Variants in DLGAP4 observed in about 807,000 individuals in gnomAD.
DLGAP4 encodes the protein disks large-associated protein 4.
DLGAP4 carries 18 observed loss-of-function variants against 86.9 expected under a neutral mutation model. The ratio of observed to expected loss-of-function variants is 0.21; its 90% CI spans 0.14 to 0.31. The LOEUF (loss-of-function observed/expected upper bound fraction) is 0.31, where lower values mean the gene tolerates loss of function less well. Ranked by LOEUF, DLGAP4 falls within the 10% of genes least tolerant of loss-of-function variation. The pLI is 1.00. For synonymous variants in DLGAP4, 548 were observed against 574.3 expected (o/e 0.95, Z 0.65); for missense variants, 1,085 against 1,362.6 (o/e 0.80, Z 3.21).
At chr20:36,380,583 G>A (rs1416510385) in intron 2 of DLGAP4, among the ~76,000 whole-genome samples, 2 of 143,368 alleles carry the variant, frequency 1.4e-5, no homozygotes, top group South Asian at 2.2e-4. Context: ...GCAAGACCCT[G>A]TCTGCATTAA....
In DLGAP4 at chr20:36,525,708, TAC is replaced by T. The variant is rs1408440087; in HGVS notation, c.2605-141_2605-140del. 2.7e-6 allele frequency: 3 copies of T among 1,106,682 alleles called. No individual in the cohort carries two copies. The African/African-American group carries it at 4.7e-5, about 17-fold the overall frequency. 68.6% of individuals were successfully genotyped at this position (1,106,682 alleles called of 1,614,324 possible). On this transcript the variant is annotated intron_variant, in intron 11 of 12. Coordinates refer to ENST00000339266, the MANE Select transcript of DLGAP4 (RefSeq NM_001365621.2). Reference sequence around the variant, plus strand: ...ACCAGAACTGGCTTAGATTCATTCATACAGATACTTACCCAGACACTAGGCCT... The same window carrying T: ...ACCAGAACTGGCTTAGATTCATTCATAGATACTTACCCAGACACTAGGCCT...
chr20:36,444,937 G>A lies in DLGAP4; in HGVS notation c.1408-1760G>A, dbSNP rs548719293. 5.9e-5 allele frequency among the ~76,000 whole-genome samples: 9 copies of A among 152,042 alleles called. No homozygotes were observed. The South Asian group carries it at 1.5e-3, about 25-fold the overall frequency. ...TTACAGGCATGAGCCACCACGCCTGGACTAATCAATTATTATTATTATTTT... is the reference window on the plus strand; with the variant it reads ...TTACAGGCATGAGCCACCACGCCTGAACTAATCAATTATTATTATTATTTT... On this transcript the variant is annotated intron_variant, in intron 6 of 12. Coordinates refer to ENST00000339266, the MANE Select transcript of DLGAP4 (RefSeq NM_001365621.2).
Position 36,427,139 on chromosome 20 carries a change from C to T in DLGAP4, c.-72-4507C>T, listed in dbSNP as rs2032996076. On this transcript the variant is annotated intron_variant, in intron 2 of 12. Transcript: ENST00000339266. ...TCAAAGCTGCGGTGAGCTATGATCACACCACTGCACTCCAGCCTCGGCAAC... is the reference window on the plus strand; with the variant it reads ...TCAAAGCTGCGGTGAGCTATGATCATACCACTGCACTCCAGCCTCGGCAAC... Among the ~76,000 whole-genome samples the T allele has an allele frequency of 2.0e-5, 3 of 151,984 alleles. No individual in the cohort carries two copies. The South Asian group carries it at 6.2e-4, about 32-fold the overall frequency.
chr20:36,383,264 G>C (rs1377515725), intron 2 of DLGAP4, among the ~76,000 whole-genome samples: 1 of 152,216 alleles, frequency 6.6e-6, no homozygotes, highest in African/African-American at 2.4e-5. Flanking sequence ...TATCAGAGAG[G>C]TGATCAGGGC....
intron 1 of DLGAP4, among the ~76,000 whole-genome samples, chr20:36,315,458 C>T (rs975495570): frequency 6.6e-6 from 1 of 151,776 alleles, no homozygotes; most frequent in East Asian, 1.9e-4. Context: ...CATGGGACCA[C>T]GTGGACTGGT....
intron 10 of DLGAP4, among the ~76,000 whole-genome samples, chr20:36,503,363 G>C (rs1242125908): frequency 6.6e-6 from 1 of 151,360 alleles, no homozygotes; most frequent in African/African-American, 2.4e-5. Flanking sequence ...GCCCCAAAAA[G>C]ATGCTCTCTG....
At chr20:36,347,807 C>G (rs888929294) in intron 1 of DLGAP4, among the ~76,000 whole-genome samples, 1 of 149,846 alleles carries the variant, frequency 6.7e-6, no homozygotes, top group African/African-American at 2.5e-5. Flanking sequence ...GATGACAGAA[C>G]AAGACACTTA....
chr20:36,458,243 G>A (rs1046626436), intron 7 of DLGAP4, among the ~76,000 whole-genome samples: 17 of 150,988 alleles, frequency 1.1e-4, no homozygotes, highest in African/African-American at 4.1e-4. Flanking sequence ...GGGTGCGGTG[G>A]CTCACGCCTG....
intron 2 of DLGAP4, among the ~76,000 whole-genome samples, chr20:36,415,039 G>A (rs992118643): frequency 1.3e-5 from 2 of 152,120 alleles, no homozygotes; most frequent in African/African-American, 4.8e-5. Context: ...GCCAAGGCAG[G>A]TGGATCACCT....
At chr20:36,455,861 C>T (rs1313620898) in intron 7 of DLGAP4, among the ~76,000 whole-genome samples, 1 of 152,112 alleles carries the variant, frequency 6.6e-6, no homozygotes, top group African/African-American at 2.4e-5. Flanking sequence ...AACCCTGTCC[C>T]CCAACCCTAC....
At chr20:36,394,796 G>A (rs2031898300) in intron 2 of DLGAP4, among the ~76,000 whole-genome samples, 1 of 152,112 alleles carries the variant, frequency 6.6e-6, no homozygotes, top group African/African-American at 2.4e-5. Context: ...CTCTCCCTAA[G>A]ACACACCTCT....
intron 10 of DLGAP4, among the ~76,000 whole-genome samples, chr20:36,505,454 T>C (rs2036320020): frequency 6.6e-6 from 1 of 152,160 alleles, no homozygotes; most frequent in African/African-American, 2.4e-5. Context: ...TTGTTTTAAG[T>C]AGGCTTTCTA....
At chr20:36,462,361 GC>G in intron 7 of DLGAP4, 1 of 1,379,398 alleles carries the variant, frequency 7.2e-7, no homozygotes, top group Non-Finnish European at 9.3e-7. Context: ...GCCCCTCTGT[GC>G]CCCCACATCT....
intron 2 of DLGAP4, among the ~76,000 whole-genome samples, chr20:36,430,950 G>A (rs1478990540): frequency 1.1e-5 from 1 of 92,820 alleles, no homozygotes; most frequent in Admixed American, 1.2e-4. Flanking sequence ...GTGAGACTCT[G>A]TCTCTAAAAA....
intron 2 of DLGAP4, among the ~76,000 whole-genome samples, chr20:36,384,721 A>G (rs1228744353): frequency 6.6e-6 from 1 of 152,186 alleles, no homozygotes; most frequent in Non-Finnish European, 1.5e-5. Flanking sequence ...TACTCTTGGA[A>G]CCTCATAGAA....
At chr20:36,461,144 C>A (rs780292089) in intron 7 of DLGAP4, among the ~76,000 whole-genome samples, 7 of 152,190 alleles carry the variant, frequency 4.6e-5, no homozygotes, top group South Asian at 4.1e-4. Flanking sequence ...CCGCACAGAG[C>A]ATGCGTCGCG....
At chr20:36,429,922 T>C (rs1332358736) in intron 2 of DLGAP4, among the ~76,000 whole-genome samples, 2 of 152,202 alleles carry the variant, frequency 1.3e-5, no homozygotes, top group Non-Finnish European at 2.9e-5. Flanking sequence ...ACCCAGCCCC[T>C]CTGAGAGCCC....
chr20:36,370,318 A>G (rs1402635291), intron 2 of DLGAP4, among the ~76,000 whole-genome samples: 1 of 151,374 alleles, frequency 6.6e-6, no homozygotes, highest in Admixed American at 6.6e-5. Context: ...TGGGCAATAT[A>G]GTGAAACCTC....
intron 7 of DLGAP4, chr20:36,461,870 G>C (rs1042138082): frequency 2.0e-6 from 2 of 984,008 alleles, no homozygotes; most frequent in Non-Finnish European, 1.2e-6. Context: ...CTGCCCTCGC[G>C]CTCCTCCGCA....
Sources: gnomAD v4.1 joint callset for allele counts (sites outside exome capture counted in the v4.1 genomes callset) on GRCh38, gnomAD v4.1.1 for gene constraint, MANE v1.5 for transcripts, NCBI Gene and HGNC (gene_info 2026-07-23, HGNC 2026-07-21) for gene names.